The following WDR7 variants were observed in gnomAD, a reference collection of about 807,000 sequenced individuals.
WDR7 encodes the protein WD repeat-containing protein 7.
A neutral mutation model predicts 169.4 loss-of-function variants in WDR7; 46 were observed. The ratio of observed to expected loss-of-function variants is 0.27; its 90% CI spans 0.21 to 0.35. WDR7 has a LOEUF of 0.35. Ranked by LOEUF, WDR7 falls within the 10% of genes least tolerant of loss-of-function variation. The pLI is 1.00. For synonymous variants in WDR7, 612 were observed against 666.8 expected, an observed-to-expected ratio of 0.92 and a Z score of 1.27; for missense variants, 1,534 against 1,859.3, an observed-to-expected ratio of 0.83 and a Z score of 3.22.
chr18:56,843,546 T>C (rs2045519033), intron 20 of WDR7, among the ~76,000 whole-genome samples: 1 of 152,206 alleles, frequency 6.6e-6, no homozygotes, highest in Admixed American at 6.5e-5. Flanking sequence ...AGCTTACAAT[T>C]GTGTTGATCC....
intron 1 of WDR7, among the ~76,000 whole-genome samples, chr18:56,661,109 G>A (rs1297647465): frequency 6.6e-6 from 1 of 152,104 alleles, no homozygotes; most frequent in Admixed American, 6.6e-5. Flanking sequence ...TTCTTTTTCT[G>A]TTTAATTCAA....
At chr18:57,001,630 G>A (rs1028770846) in intron 26 of WDR7, among the ~76,000 whole-genome samples, 1 of 152,146 alleles carries the variant, frequency 6.6e-6, no homozygotes, top group African/African-American at 2.4e-5. Context: ...ATACAACCAT[G>A]TGACCACCAC....
intron 12 of WDR7, among the ~76,000 whole-genome samples, chr18:56,717,731 G>C (rs543548946): frequency 6.6e-6 from 1 of 152,138 alleles, no homozygotes; most frequent in South Asian, 2.1e-4. Flanking sequence ...AGTTTTTCCA[G>C]TGTACCTTTT....
chr18:56,702,368 A>G (rs1459760018), intron 12 of WDR7, among the ~76,000 whole-genome samples: 2 of 152,222 alleles, frequency 1.3e-5, no homozygotes, highest in African/African-American at 4.8e-5. Flanking sequence ...GAAAGAAACT[A>G]GGTTTTGGAA....
chr18:56,826,689 T>C (rs1273986785), intron 20 of WDR7, among the ~76,000 whole-genome samples: 1 of 152,226 alleles, frequency 6.6e-6, no homozygotes, highest in Non-Finnish European at 1.5e-5. Context: ...TTTTTTGTTA[T>C]AACTATTTAT....
chr18:56,675,002 G>A (rs2144536638), intron 2 of WDR7, among the ~76,000 whole-genome samples: 2 of 152,156 alleles, frequency 1.3e-5, no homozygotes, highest in Middle Eastern at 3.4e-3. Flanking sequence ...GTTTCTATCT[G>A]GGCTCTCAAT....
chr18:56,972,341 ATGTT>A (rs1316708395), intron 26 of WDR7, among the ~76,000 whole-genome samples: 1 of 152,184 alleles, frequency 6.6e-6, no homozygotes, highest in Non-Finnish European at 1.5e-5. Context: ...AGTAAGATTG[ATGTT>A]TGTTTGAGGC....
At chr18:56,804,556 T>G (rs905163703) in intron 19 of WDR7, among the ~76,000 whole-genome samples, 1 of 152,188 alleles carries the variant, frequency 6.6e-6, no homozygotes, top group Non-Finnish European at 1.5e-5. Flanking sequence ...GACAGTCATA[T>G]GGATATAACA....
rs1002262454 is a variant in WDR7, at chr18:56,845,938, G to A, written c.3304+29794G>A. ...ACCTGAAATAATTAAATAAGATTAT[G>A]TATTTAATAGCCTGCCCTCAACACT... On this transcript the variant is annotated intron_variant, in intron 20 of 27. Transcript: ENST00000254442. Among the ~76,000 whole-genome samples the A allele has an allele frequency of 4.6e-5, 7 of 152,200 alleles. No homozygotes were observed. The South Asian group carries it at 1.0e-3, about 23-fold the overall frequency.
At chr18:57,015,764 G>A (rs949508898) in intron 26 of WDR7, among the ~76,000 whole-genome samples, 15 of 152,240 alleles carry the variant, frequency 9.9e-5, no homozygotes, top group Admixed American at 3.9e-4. Flanking sequence ...CTCACTTGGC[G>A]TTGCCGGGTA....
At chr18:56,693,561 GTTTTTTTTTTTGTTTTT>G (rs1483538358) in intron 9 of WDR7, among the ~76,000 whole-genome samples, 3 of 98,756 alleles carry the variant, frequency 3.0e-5, no homozygotes, top group Non-Finnish European at 5.9e-5. Context: ...AATTTTGTTG[GTTTTTTTTTTTGTTTTT>G]TTTTTTTTTT....
intron 26 of WDR7, among the ~76,000 whole-genome samples, chr18:56,972,715 C>T (rs1201493581): frequency 6.6e-6 from 1 of 152,172 alleles, no homozygotes; most frequent in East Asian, 1.9e-4. Context: ...ATATCCAGAA[C>T]AATGCCTGAA....
At chr18:56,921,225 A>G (rs961966206) in intron 21 of WDR7, among the ~76,000 whole-genome samples, 5 of 152,352 alleles carry the variant, frequency 3.3e-5, no homozygotes, top group Middle Eastern at 3.4e-3. Flanking sequence ...AAAAGTTGTT[A>G]GAGATAGACA....
intron 20 of WDR7, among the ~76,000 whole-genome samples, chr18:56,868,967 G>GA (rs1195249164): frequency 2.0e-5 from 3 of 151,876 alleles, no homozygotes; most frequent in African/African-American, 7.3e-5. Flanking sequence ...TAAAGGCAAA[G>GA]AAAAAAATTA....
intron 13 of WDR7, among the ~76,000 whole-genome samples, chr18:56,729,586 A>G (rs1247721463): frequency 6.6e-6 from 1 of 151,994 alleles, no homozygotes; most frequent in African/African-American, 2.4e-5. Context: ...TGTTTTTGTA[A>G]CTTCACAGTA....
At chr18:56,911,182 G>A (rs570295616) in intron 21 of WDR7, among the ~76,000 whole-genome samples, 1 of 152,254 alleles carries the variant, frequency 6.6e-6, no homozygotes, top group South Asian at 2.1e-4. Flanking sequence ...TGGACTCAAA[G>A]GTTAAGAGCA....
At chr18:56,922,102 G>T (rs1274553409) in intron 21 of WDR7, among the ~76,000 whole-genome samples, 1 of 152,168 alleles carries the variant, frequency 6.6e-6, no homozygotes, top group African/African-American at 2.4e-5. Flanking sequence ...AGCAGCTGGA[G>T]TTTTTCTGTA....
intron 12 of WDR7, among the ~76,000 whole-genome samples, chr18:56,701,633 T>C (rs2025836616): frequency 6.6e-6 from 1 of 152,208 alleles, no homozygotes; most frequent in Non-Finnish European, 1.5e-5. Flanking sequence ...AAATATTAGA[T>C]ATAGGAGATG....
chr18:56,928,766 GA>G, intron 22 of WDR7, among the ~76,000 whole-genome samples: 1 of 152,112 alleles, frequency 6.6e-6, no homozygotes, highest in East Asian at 1.9e-4. Context: ...TTGCAGATGA[GA>G]AAAAAATGAA....
Sources: allele counts gnomAD v4.1 joint callset (sites outside exome capture counted in the v4.1 genomes callset), GRCh38; gene constraint gnomAD v4.1.1; transcripts MANE v1.5; gene names NCBI Gene and HGNC (gene_info 2026-07-23, HGNC 2026-07-21).